The following PDE9A variants were observed in gnomAD, a reference collection of about 807,000 sequenced individuals.
PDE9A encodes phosphodiesterase 9A.
In PDE9A, 60 loss-of-function variants were observed where a neutral mutation model predicts 87.4. That is an observed-to-expected ratio of 0.69 (90% CI 0.56 to 0.85). PDE9A has a LOEUF of 0.85. Among genes scored for constraint, PDE9A ranks in the 40% least tolerant of loss-of-function variants. PDE9A has a pLI of 0.00. For missense variants in PDE9A, 665 were observed against 779.0 expected (o/e 0.85, Z 1.74); for synonymous variants, 272 against 279.4 (o/e 0.97, Z 0.27).
intron 1 of PDE9A, among the ~76,000 whole-genome samples, chr21:42,674,425 G>C (rs2058731906): frequency 6.6e-6 from 1 of 151,470 alleles, no homozygotes; most frequent in Non-Finnish European, 1.5e-5. Context: ...TGGGGAGTGA[G>C]GCCTGGCTAT....
At chr21:42,706,643 C>CAAA (rs71332369) in intron 4 of PDE9A, among the ~76,000 whole-genome samples, 1 of 144,442 alleles carries the variant, frequency 6.9e-6, no homozygotes, top group Non-Finnish European at 1.5e-5. Flanking sequence ...GACTCTATCT[C>CAAA]AAAAAAAAAA....
intron 1 of PDE9A, among the ~76,000 whole-genome samples, chr21:42,666,037 C>T (rs2057954336): frequency 6.6e-6 from 1 of 152,232 alleles, no homozygotes; most frequent in Non-Finnish European, 1.5e-5. Flanking sequence ...GGCTCACCTT[C>T]CCCAAGGGCC....
chr21:42,769,277 G>A (rs55990449), intron 17 of PDE9A, 122 bp downstream of exon 17: 334,258 of 870,046 alleles, frequency 0.38, 67,230 homozygotes, highest in African/African-American at 0.61. Flanking sequence ...ATGCACACAC[G>A]TACACAGATA....
At chr21:42,740,532 T>C (rs977836529) in intron 7 of PDE9A, among the ~76,000 whole-genome samples, 9 of 151,150 alleles carry the variant, frequency 6.0e-5, no homozygotes, top group Admixed American at 4.0e-4. Flanking sequence ...ATAGGATGGA[T>C]AAATAGAACA....
intron 7 of PDE9A, among the ~76,000 whole-genome samples, chr21:42,742,381 G>T (rs2053386964): frequency 6.6e-6 from 1 of 151,954 alleles, no homozygotes; most frequent in Non-Finnish European, 1.5e-5. Flanking sequence ...TAACTTAGTG[G>T]GTGGTGGGAA....
intron 1 of PDE9A, among the ~76,000 whole-genome samples, chr21:42,669,492 G>A (rs774449877): frequency 1.3e-5 from 2 of 152,168 alleles, no homozygotes; most frequent in African/African-American, 4.8e-5. Flanking sequence ...TTTATTGAAG[G>A]TTCCTGTGTG....
At chr21:42,685,347 G>A (rs773834207) in intron 1 of PDE9A, among the ~76,000 whole-genome samples, 13 of 152,238 alleles carry the variant, frequency 8.5e-5, no homozygotes, top group Non-Finnish European at 1.5e-4. Context: ...GTGTTTCTCT[G>A]CAGGCGCCAG....
Position 42,759,586 on chromosome 21 carries a change from G to A in PDE9A, c.897+501G>A, listed in dbSNP as rs891812866. On this transcript the variant is annotated intron_variant, in intron 11 of 19. Transcript: ENST00000291539. The surrounding 1 kb of genome is among the most constrained non-coding windows in gnomAD (Gnocchi z 7.2). ...GAGCATGGGGGTATCTGAGTTTACG[G>A]GTGGGTGTGTGTGAATGTGTGGTGG... Among the ~76,000 whole-genome samples, 2 of 150,630 alleles carry A rather than the reference G, an allele frequency of 1.3e-5. No homozygotes were observed. Among genetic ancestry groups the A allele is most frequent in the African/African-American group, 2.4e-5 (1 of 40,854 alleles).
intron 10 of PDE9A, among the ~76,000 whole-genome samples, chr21:42,754,685 C>CTTG (rs1232104786): frequency 1.3e-5 from 2 of 152,160 alleles, no homozygotes; most frequent in African/African-American, 4.8e-5. Flanking sequence ...AGGTGGAGAT[C>CTTG]TTGAATCATG....
At chr21:42,755,483 G>A (rs374024558) in intron 10 of PDE9A, among the ~76,000 whole-genome samples, 6 of 152,200 alleles carry the variant, frequency 3.9e-5, no homozygotes, top group Admixed American at 1.3e-4. Flanking sequence ...CAGCCGCCAC[G>A]TGGCAACTTG....
At chr21:42,729,598 G>A (rs2051511056) in intron 4 of PDE9A, among the ~76,000 whole-genome samples, 1 of 152,048 alleles carries the variant, frequency 6.6e-6, no homozygotes, top group African/African-American at 2.4e-5. Context: ...TTGGCTTATT[G>A]AGTTGAGATT....
chr21:42,681,621 GT>G (rs2059169817), intron 1 of PDE9A, among the ~76,000 whole-genome samples: 1 of 152,140 alleles, frequency 6.6e-6, no homozygotes, highest in Non-Finnish European at 1.5e-5. Context: ...TCAATTTCCA[GT>G]GGGGGAGCCG....
At chr21:42,719,772 A>T (rs2050307467) in intron 4 of PDE9A, among the ~76,000 whole-genome samples, 2 of 152,108 alleles carry the variant, frequency 1.3e-5, no homozygotes, top group South Asian at 4.1e-4. Context: ...TTTTACAGCG[A>T]TCAGATGGTT....
chr21:42,678,963 C>G (rs1235096090), intron 1 of PDE9A, among the ~76,000 whole-genome samples: 2 of 152,260 alleles, frequency 1.3e-5, no homozygotes, highest in African/African-American at 2.4e-5. Flanking sequence ...CTAGAAGGAT[C>G]TCACTGGACG....
chr21:42,732,153 C>T, intron 6 of PDE9A, 29 bp downstream of exon 6: 1 of 1,598,972 alleles, frequency 6.3e-7, no homozygotes, highest in Non-Finnish European at 8.6e-7. Flanking sequence ...TTACAACCAG[C>T]CAGAGATGGG....
At position 42,760,713 on chromosome 21, in the gene PDE9A, G is replaced by A; in HGVS notation, c.1003-112G>A. 1 of 722,886 alleles carries A rather than the reference G, an allele frequency of 1.4e-6. No homozygotes were observed. Among genetic ancestry groups the A allele is most frequent in the Admixed American group, 2.0e-5 (1 of 49,494 alleles). 44.8% of individuals were successfully genotyped at this position (722,886 alleles called of 1,614,324 possible). ...CCACCATGCCAGGAGATGCCAGATG[G>A]CTGCAGGGGCCTTTGTCCCCCGCTT... On this transcript the variant is annotated intron_variant, in intron 12 of 19. Transcript: ENST00000291539. This position sits in a 1 kb window ranked among gnomAD's most constrained non-coding sequence, Gnocchi z 5.2.
chr21:42,679,115 G>A (rs1174707188), intron 1 of PDE9A, among the ~76,000 whole-genome samples: 1 of 152,214 alleles, frequency 6.6e-6, no homozygotes, highest in Admixed American at 6.5e-5. Flanking sequence ...CGCTGCACCA[G>A]GACACATTCA....
rs1250155784 is a variant in PDE9A, at chr21:42,759,260, T to C, written c.897+175T>C. On this transcript the variant is annotated intron_variant, in intron 11 of 19. Coordinates refer to ENST00000291539, the MANE Select transcript of PDE9A (RefSeq NM_002606.3). The surrounding 1 kb of genome is among the most constrained non-coding windows in gnomAD (Gnocchi z 7.2). ...ACACTCAGCCTGTCTCTGTTCCTCC[T>C]TCCACCAAAACCTTCTTTACGCCCG... Among the ~76,000 whole-genome samples, 1 of 152,166 alleles carries C rather than the reference T, an allele frequency of 6.6e-6. No individual in the cohort carries two copies. Among genetic ancestry groups the C allele is most frequent in the Non-Finnish European group, 1.5e-5 (1 of 68,024 alleles).
chr21:42,682,069 CA>C, intron 1 of PDE9A, among the ~76,000 whole-genome samples: 1 of 152,360 alleles, frequency 6.6e-6, no homozygotes, highest in Non-Finnish European at 1.5e-5. Context: ...GCCTCATGCC[CA>C]AACTCGCACC....
Sources: allele counts gnomAD v4.1 joint callset (sites outside exome capture counted in the v4.1 genomes callset), GRCh38; gene constraint gnomAD v4.1.1; non-coding constraint Gnocchi (gnomAD v3.1); transcripts MANE v1.5; gene names NCBI Gene and HGNC (gene_info 2026-07-23, HGNC 2026-07-21).